ZNF420: variants seen among roughly 807,000 people sequenced by gnomAD.
ZNF420 encodes zinc finger protein 420.
A neutral mutation model predicts 44.7 loss-of-function variants in ZNF420; 31 were observed. The observed-to-expected ratio is 0.69, with a 90% CI of 0.52 to 0.94. ZNF420 has a LOEUF of 0.94. Ranked by LOEUF, ZNF420 falls within the 40% of genes least tolerant of loss-of-function variation. ZNF420 has a pLI of 0.00. For synonymous variants in ZNF420, 245 were observed against 267.4 expected (o/e 0.92, Z 0.82); for missense variants, 681 against 827.9 (o/e 0.82, Z 2.18).
chr19:37,052,919 A>T (rs142383041), intron 1 of ZNF420, among the ~76,000 whole-genome samples: 3,675 of 152,170 alleles, frequency 0.024, 159 homozygotes, highest in African/African-American at 0.083. Context: ...GCCTTGCTAG[A>T]TTGGGGAAGT....
chr19:37,112,559 C>T (rs1319933603), intron 4 of ZNF420, among the ~76,000 whole-genome samples: 1 of 152,156 alleles, frequency 6.6e-6, no homozygotes, highest in Non-Finnish European at 1.5e-5. Flanking sequence ...GTCTACCAAC[C>T]CCTCAAACTG....
At chr19:37,068,530 C>T (rs10404973) in intron 1 of ZNF420, among the ~76,000 whole-genome samples, 24,647 of 151,980 alleles carry the variant, frequency 0.16, 2,133 homozygotes, top group African/African-American at 0.23. Flanking sequence ...ATCCCAGCTA[C>T]TCGGGAGGCT....
chr19:37,051,001 C>T (rs1402588226), intron 1 of ZNF420, among the ~76,000 whole-genome samples: 2 of 152,118 alleles, frequency 1.3e-5, no homozygotes, highest in Non-Finnish European at 2.9e-5. Context: ...GTCATTGGTT[C>T]TGTTTATATG....
intron 4 of ZNF420, among the ~76,000 whole-genome samples, chr19:37,113,088 G>A (rs1368555435): frequency 6.6e-6 from 1 of 152,176 alleles, no homozygotes; most frequent in Non-Finnish European, 1.5e-5. Context: ...AATTGGGAAT[G>A]CCCCAGTTTG....
intron 4 of ZNF420, among the ~76,000 whole-genome samples, chr19:37,101,817 C>T (rs932060166): frequency 6.6e-6 from 1 of 152,216 alleles, no homozygotes; most frequent in African/African-American, 2.4e-5. Flanking sequence ...GTGCCTTCAG[C>T]AGGTCCTTGC....
chr19:37,098,872 C>G (rs1969606357), intron 4 of ZNF420, among the ~76,000 whole-genome samples: 2 of 152,148 alleles, frequency 1.3e-5, no homozygotes, highest in African/African-American at 4.8e-5. Flanking sequence ...AACCACTGTT[C>G]TACTCTCTAC....
At chr19:37,067,426 C>G (rs1332706873) in intron 1 of ZNF420, among the ~76,000 whole-genome samples, 2 of 152,066 alleles carry the variant, frequency 1.3e-5, no homozygotes, top group African/African-American at 2.4e-5. Context: ...ATCAATTCAT[C>G]CTTATGGATG....
intron 1 of ZNF420, among the ~76,000 whole-genome samples, chr19:37,021,972 A>G (rs1012287952): frequency 6.7e-6 from 1 of 150,364 alleles, no homozygotes; most frequent in Non-Finnish European, 1.5e-5. Context: ...AAGAAAAGAA[A>G]AAATGAATAG....
rs528325097 is a variant in ZNF420 at position 37,015,551 on chromosome 19, C to T, written c.-125+7469C>T. Among the ~76,000 whole-genome samples the T allele has an allele frequency of 4.6e-5, 7 of 152,300 alleles. No individual in the cohort carries two copies. The South Asian group carries it at 1.2e-3, about 27-fold the overall frequency. ...GGATGTCAGATGGGCACTCAATCTT[C>T]TTTCAGTTCCATTCCGGGTCAAAAA... On this transcript the variant is annotated intron_variant, in intron 1 of 4. Transcript: ENST00000587029.
chr19:37,041,614 C>G (rs902776929), intron 1 of ZNF420, among the ~76,000 whole-genome samples: 1 of 152,066 alleles, frequency 6.6e-6, no homozygotes, highest in African/African-American at 2.4e-5. Flanking sequence ...CCAGGGGAAG[C>G]GATTTTATAT....
rs183475291 is a variant in ZNF420, at chr19:37,066,447, A to G, written c.-124-13898A>G. 3.1e-3 allele frequency among the ~76,000 whole-genome samples: 475 copies of G among 152,210 alleles called. 6 individuals carry two copies. The highest frequency in any genetic ancestry group is 0.02 in the South Asian group (97 of 4,824). On this transcript the variant is annotated intron_variant, in intron 1 of 4. Transcript: ENST00000587029. ...AAGAGTCTGTCTCAAAAAAAAAAAG[A>G]ACTTCTATAACTCAACAATAAAAAG...
intron 1 of ZNF420, among the ~76,000 whole-genome samples, chr19:37,031,528 C>G (rs572414613): frequency 3.4e-4 from 51 of 151,972 alleles, no homozygotes; most frequent in Admixed American, 1.0e-3. Context: ...TTTTTGGACA[C>G]GGAGTCTCGC....
intron 1 of ZNF420, among the ~76,000 whole-genome samples, chr19:37,029,442 C>G (rs1231431231): frequency 6.6e-6 from 1 of 152,124 alleles, no homozygotes; most frequent in Admixed American, 6.5e-5. Context: ...TGTTAAGTAA[C>G]CTTTTCTCTC....
chr19:37,044,663 C>G (rs982147742), intron 1 of ZNF420, among the ~76,000 whole-genome samples: 1 of 151,968 alleles, frequency 6.6e-6, no homozygotes, highest in East Asian at 1.9e-4. Context: ...GTCAGGAGTT[C>G]GAGACCAGCC....
At chr19:37,037,567 C>T (rs2385412) in intron 1 of ZNF420, among the ~76,000 whole-genome samples, 24,657 of 152,164 alleles carry the variant, frequency 0.16, 2,127 homozygotes, top group African/African-American at 0.23. Flanking sequence ...TGCAGGTTAA[C>T]AGCCTCAGGG....
At chr19:37,068,641 A>T (rs554203023) in intron 1 of ZNF420, among the ~76,000 whole-genome samples, 1 of 152,192 alleles carries the variant, frequency 6.6e-6, no homozygotes, top group East Asian at 1.9e-4. Context: ...ACTCTGTCTC[A>T]AAATAAATAA....
chr19:37,069,440 G>A (rs1219920950), intron 1 of ZNF420, among the ~76,000 whole-genome samples: 1 of 152,078 alleles, frequency 6.6e-6, no homozygotes, highest in Non-Finnish European at 1.5e-5. Context: ...ACTCAATGGG[G>A]TTATGCCCTA....
chr19:37,066,988 C>T (rs369629133), intron 1 of ZNF420, among the ~76,000 whole-genome samples: 2 of 152,302 alleles, frequency 1.3e-5, no homozygotes, highest in South Asian at 4.1e-4. Flanking sequence ...AACACCCACA[C>T]ATACAACATG....
At chr19:37,115,958 G>C (rs2146693396) in intron 4 of ZNF420, among the ~76,000 whole-genome samples, 1 of 152,188 alleles carries the variant, frequency 6.6e-6, no homozygotes, top group African/African-American at 2.4e-5. Context: ...TTTTAACAAA[G>C]CACATCCTGC....
Sources: gnomAD v4.1 joint callset for allele counts (sites outside exome capture counted in the v4.1 genomes callset) on GRCh38, gnomAD v4.1.1 for gene constraint, MANE v1.5 for transcripts, NCBI Gene and HGNC (gene_info 2026-07-23, HGNC 2026-07-21) for gene names.